Variants in RREB1 observed in about 807,000 individuals in gnomAD.
RREB1 encodes ras-responsive element-binding protein 1.
RREB1 carries 27 observed loss-of-function variants against 117.8 expected under a neutral mutation model. The observed-to-expected ratio is 0.23, with a 90% confidence interval of 0.17 to 0.32. The LOEUF (loss-of-function observed/expected upper bound fraction) is 0.32. Ranked by LOEUF, RREB1 falls within the 10% of genes least tolerant of loss-of-function variation. The pLI is 1.00. For synonymous variants in RREB1, 1,298 were observed against 1,026.7 expected (o/e 1.26, Z -5.05); for missense variants, 2,577 against 2,378.2 (o/e 1.08, Z -1.74).
chr6:7,247,362 C>G, intron 12 of RREB1, 141 bp downstream of exon 12: 1 of 745,754 alleles, frequency 1.3e-6, no homozygotes. Context: ...AGCCCGTGAA[C>G]TAGGAGTTTT....
chr6:7,165,519 T>C (rs1763889595), intron 1 of RREB1, among the ~76,000 whole-genome samples: 1 of 152,208 alleles, frequency 6.6e-6, no homozygotes, highest in Admixed American at 6.5e-5. Flanking sequence ...TTTCATGTCA[T>C]GAAAATACTG....
rs771165140 is a variant in RREB1, at chr6:7,249,385, A to T, written c.*417A>T. On this transcript the variant is annotated 3_prime_UTR_variant, in exon 13 of 13. Transcript: ENST00000379938. ...GCACCGTTTGTTCTGTGAGCTGGAA[A>T]CAGAAGGAAAAAACATACCCTTGGG... 5.3e-5 allele frequency: 9 copies of T among 170,816 alleles called. No homozygotes were observed. The highest frequency in any genetic ancestry group is 1.1e-4 in the Non-Finnish European group (9 of 80,730). 10.6% of individuals were successfully genotyped at this position (170,816 alleles called of 1,614,324 possible).
rs905891966 is a variant in RREB1, at chr6:7,131,099, C to T, written c.-285+23039C>T. Among the ~76,000 whole-genome samples, 23 of 151,418 alleles carry T rather than the reference C, an allele frequency of 1.5e-4. No homozygotes were observed. In the East Asian group the frequency reaches 2.9e-3, roughly 19 times the overall value. ...GACTACAGGCGCCCGCCACTGCGCC[C>T]GGCTAATTTTTTGTATTTTTAGTAG... is the stretch of plus-strand genomic sequence containing the variant. On this transcript the variant is annotated intron_variant, in intron 1 of 12. Transcript: ENST00000379938.
At chr6:7,180,977 GAAGA>G (rs1279562499) in intron 2 of RREB1, 143 bp from the exon 3 acceptor site, 2 of 386,170 alleles carry the variant, frequency 5.2e-6, no homozygotes, top group African/African-American at 4.1e-5. Context: ...TGTGGTTTTG[GAAGA>G]AAGAAAGGCA....
At chr6:7,194,565 G>T (rs893159351) in intron 6 of RREB1, among the ~76,000 whole-genome samples, 1 of 152,144 alleles carries the variant, frequency 6.6e-6, no homozygotes, top group Non-Finnish European at 1.5e-5. Flanking sequence ...CTACTTGTTT[G>T]TGCTAATTGT....
At position 7,116,891 on chromosome 6, in the gene RREB1, CA is replaced by C. The variant is rs1419431329; in HGVS notation, c.-285+8832del. 2.6e-5 allele frequency among the ~76,000 whole-genome samples: 4 copies of C among 152,156 alleles called. No homozygotes were observed. In the South Asian group the frequency reaches 6.2e-4, roughly 24 times the overall value. On this transcript the variant is annotated intron_variant, in intron 1 of 12. Transcript: ENST00000379938. The stretch of plus-strand genomic sequence containing the variant: ...TTCATGGCTCTTGATTTGAAGTTTA[CA>C]TTAAATAGGAGAGATGGGCACACAG...
intron 1 of RREB1, among the ~76,000 whole-genome samples, chr6:7,116,438 G>A (rs534862568): frequency 2.2e-4 from 33 of 152,146 alleles, no homozygotes; most frequent in Admixed American, 1.3e-3. Flanking sequence ...CATCTGTCAA[G>A]TCTTGTCTGT....
At chr6:7,155,995 G>A (rs1763344999) in intron 1 of RREB1, among the ~76,000 whole-genome samples, 4 of 152,110 alleles carry the variant, frequency 2.6e-5, no homozygotes, top group South Asian at 4.1e-4. Context: ...CACCCCTTTC[G>A]GGTTTCATGT....
intron 2 of RREB1, among the ~76,000 whole-genome samples, chr6:7,179,305 T>C (rs1764666174): frequency 1.3e-5 from 2 of 152,330 alleles, no homozygotes; most frequent in East Asian, 1.9e-4. Flanking sequence ...GCTTTTAAAA[T>C]TTGAGATGGG....
chr6:7,212,457 T>G (rs1262391727), intron 8 of RREB1: 1 of 152,258 alleles, frequency 6.6e-6, no homozygotes, highest in African/African-American at 2.4e-5. Flanking sequence ...AGTTCTGTAT[T>G]CTTGATGAGT....
chr6:7,122,393 G>A (rs1199462917), intron 1 of RREB1, among the ~76,000 whole-genome samples: 1 of 152,238 alleles, frequency 6.6e-6, no homozygotes, highest in East Asian at 1.9e-4. Context: ...AGCCTCCTGA[G>A]TAGCTGGGAC....
rs1270468778 is a variant in RREB1 at position 7,247,218 on chromosome 6, A to G, written c.4768A>G (p.Thr1590Ala). ...CCTGACCCGGCACATGCGCTCCCAC[A>G]CAGGTAACCAGGGCAGGCCAGGTCC... The part of the protein sequence containing the change: ...QDLTRHMRSH[T>A]GERPYKCQTC... Residue 1590 changes from threonine to alanine, a missense_variant, in exon 12 of 13, where the codon ACA (threonine) becomes GCA (alanine). By Grantham distance (58) the Thr-to-Ala change is moderately conservative. Transcript: ENST00000379938. The G allele has an allele frequency of 6.2e-7, 1 of 1,612,070 alleles. No homozygotes were observed. Among genetic ancestry groups the G allele is most frequent in the Admixed American group, 1.7e-5 (1 of 59,890 alleles).
chr6:7,108,962 T>C (rs1760990172), intron 1 of RREB1, among the ~76,000 whole-genome samples: 1 of 143,730 alleles, frequency 7.0e-6, no homozygotes, highest in Non-Finnish European at 1.5e-5. Context: ...CCCTCGCCCT[T>C]CCGTTGGCGG....
chr6:7,182,192 G>A (rs1253040364), intron 4 of RREB1, 110 bp downstream of exon 4: 7 of 1,026,908 alleles, frequency 6.8e-6, no homozygotes, highest in Non-Finnish European at 8.4e-6. Context: ...GGAATAAAAC[G>A]GACATACCCA....
At chr6:7,232,465 TC>T (rs1427737652) in intron 10 of RREB1, among the ~76,000 whole-genome samples, 1 of 152,210 alleles carries the variant, frequency 6.6e-6, no homozygotes, top group Non-Finnish European at 1.5e-5. Flanking sequence ...AGTCACATCT[TC>T]CCCTGTTGAT....
Position 7,226,460 on chromosome 6 carries a change from C to G in RREB1, c.708-7C>G. ...CTGCCTCATATGTTCTCCCTTTCCT[C>G]TCCTAGATGTGACATTTGTTGTGTC... On this transcript the variant is annotated splice_region_variant and splice_polypyrimidine_tract_variant and intron_variant, in intron 8 of 12. Coordinates refer to ENST00000379938, the MANE Select transcript of RREB1 (RefSeq NM_001003699.4). 2 of 1,606,666 alleles carry G rather than the reference C, an allele frequency of 1.2e-6. No individual in the cohort carries two copies. Among genetic ancestry groups the G allele is most frequent in the South Asian group, 1.1e-5 (1 of 89,898 alleles).
At chr6:7,237,974 TGACGC>T (rs1768448635) in intron 10 of RREB1, among the ~76,000 whole-genome samples, 1 of 152,198 alleles carries the variant, frequency 6.6e-6, no homozygotes, top group Admixed American at 6.5e-5. Flanking sequence ...ACTGTAAAGG[TGACGC>T]ACTTACCAGT....
intron 6 of RREB1, among the ~76,000 whole-genome samples, chr6:7,199,531 C>T (rs1457206345): frequency 6.6e-6 from 1 of 152,162 alleles, no homozygotes; most frequent in Non-Finnish European, 1.5e-5. Context: ...GCTGAATTTC[C>T]ATGGCCAAGT....
chr6:7,226,009 G>A (rs1767564390), intron 8 of RREB1, among the ~76,000 whole-genome samples: 1 of 152,196 alleles, frequency 6.6e-6, no homozygotes, highest in Non-Finnish European at 1.5e-5. Context: ...CAGATGCCAA[G>A]GATGCTGATT....
Sources: gnomAD v4.1 joint callset for allele counts (sites outside exome capture counted in the v4.1 genomes callset) on GRCh38, gnomAD v4.1.1 for gene constraint, MANE v1.5 for transcripts, NCBI Gene and HGNC (gene_info 2026-07-23, HGNC 2026-07-21) for gene names.